QTMAN: variants seen among roughly 807,000 people sequenced by gnomAD.
The protein encoded by QTMAN is queuosine-tRNA mannosyltransferase.
the QTMAN span, among the ~76,000 whole-genome samples, chr2:144,324,113 G>A: frequency 2.0e-5 from 3 of 152,104 alleles, no homozygotes; most frequent in East Asian, 5.8e-4. Context: ...CCTGCCCAAG[G>A]TTACCGAAGT....
the QTMAN span, among the ~76,000 whole-genome samples, chr2:144,144,070 G>A: frequency 3.3e-5 from 5 of 151,954 alleles, no homozygotes; most frequent in South Asian, 1.0e-3. Flanking sequence ...CTCTCTCCAA[G>A]CTTGTCTATA....
At chr2:144,298,457 T>C in the QTMAN span, among the ~76,000 whole-genome samples, 3 of 152,350 alleles carry the variant, frequency 2.0e-5, no homozygotes, top group Admixed American at 6.5e-5. Context: ...GTAAAAGGTA[T>C]GGGGTGTTTA....
the QTMAN span, among the ~76,000 whole-genome samples, chr2:144,028,484 T>G: frequency 6.6e-6 from 1 of 152,208 alleles, no homozygotes; most frequent in East Asian, 1.9e-4. Flanking sequence ...ACAGTCACAT[T>G]AAAGTCCCAA....
chr2:144,101,229 T>G, the QTMAN span, among the ~76,000 whole-genome samples: 1 of 152,238 alleles, frequency 6.6e-6, no homozygotes, highest in African/African-American at 2.4e-5. Flanking sequence ...GTTCAAGACA[T>G]TTTCCAAAGT....
the QTMAN span, among the ~76,000 whole-genome samples, chr2:144,331,983 C>T: frequency 6.6e-6 from 1 of 152,206 alleles, no homozygotes; most frequent in African/African-American, 2.4e-5. Flanking sequence ...GGCGAAGCAC[C>T]CCAGCCAACT....
At chr2:144,068,328 A>G in the QTMAN span, among the ~76,000 whole-genome samples, 6 of 152,244 alleles carry the variant, frequency 3.9e-5, no homozygotes, top group Admixed American at 1.3e-4. Flanking sequence ...AAACTTGAAA[A>G]AAATGATTAT....
At chr2:143,952,128 C>T in the QTMAN span, 2 of 955,058 alleles carry the variant, frequency 2.1e-6, no homozygotes, top group Non-Finnish European at 3.4e-6. Context: ...AGCACACACT[C>T]GATATTAGTC....
chr2:144,212,518 G>A, the QTMAN span, among the ~76,000 whole-genome samples: 2 of 152,212 alleles, frequency 1.3e-5, no homozygotes, highest in East Asian at 3.9e-4. Flanking sequence ...AATTAGGGAT[G>A]TGGCACTTTA....
chr2:144,170,271 G>A, the QTMAN span, among the ~76,000 whole-genome samples: 10 of 152,114 alleles, frequency 6.6e-5, no homozygotes, highest in African/African-American at 2.2e-4. Context: ...CTGAGATTCT[G>A]CCCTACTTAC....
the QTMAN span, among the ~76,000 whole-genome samples, chr2:144,045,135 G>C: frequency 6.6e-6 from 1 of 152,214 alleles, no homozygotes; most frequent in South Asian, 2.1e-4. Context: ...AAATTTTAAA[G>C]ACGAAGTTCC....
At chr2:143,938,788 A>G in the QTMAN span, 1 of 152,222 alleles carries the variant, frequency 6.6e-6, no homozygotes. Context: ...ATAGCTGCAT[A>G]TCAGTAATTC....
At chr2:144,142,202 A>G in the QTMAN span, 2 of 516,540 alleles carry the variant, frequency 3.9e-6, no homozygotes, top group Non-Finnish European at 6.8e-6. Context: ...GTATCTACCA[A>G]AATGTCTCTA....
chr2:144,052,822 T>A, the QTMAN span, among the ~76,000 whole-genome samples: 7 of 152,194 alleles, frequency 4.6e-5, no homozygotes, highest in Non-Finnish European at 7.4e-5. Context: ...CGACTAATTT[T>A]ATATTTTTAG....
At chr2:144,332,307 C>A in the QTMAN span, 1 of 150,160 alleles carries the variant, frequency 6.7e-6, no homozygotes, top group African/African-American at 2.4e-5. Context: ...GCGCCGCAGC[C>A]GCCGCTGCTG....
chr2:144,251,596 C>T, the QTMAN span, among the ~76,000 whole-genome samples: 3 of 151,862 alleles, frequency 2.0e-5, no homozygotes, highest in Non-Finnish European at 4.4e-5. Flanking sequence ...GATCATAAAC[C>T]TAAACATAAA....
chr2:144,035,208 G>A, the QTMAN span, among the ~76,000 whole-genome samples: 975 of 152,192 alleles, frequency 6.4e-3, 5 homozygotes, highest in African/African-American at 0.021. Context: ...AGTCATGTAG[G>A]ATGTGCCTGC....
chr2:143,958,425 C>T, the QTMAN span, among the ~76,000 whole-genome samples: 1 of 152,026 alleles, frequency 6.6e-6, no homozygotes, highest in African/African-American at 2.4e-5. Flanking sequence ...GAAATTACAA[C>T]TAGGAAGGAA....
the QTMAN span, among the ~76,000 whole-genome samples, chr2:144,249,288 A>G: frequency 6.6e-6 from 1 of 152,232 alleles, no homozygotes; most frequent in Non-Finnish European, 1.5e-5. Flanking sequence ...AACAATCAGT[A>G]CATTTTATTT....
the QTMAN span, among the ~76,000 whole-genome samples, chr2:144,096,330 A>C: frequency 6.6e-6 from 1 of 152,202 alleles, no homozygotes; most frequent in Non-Finnish European, 1.5e-5. Context: ...TATCCACTTA[A>C]AAGAGAGCCA....
Sources: gnomAD v4.1 joint callset for allele counts (sites outside exome capture counted in the v4.1 genomes callset) on GRCh38, gnomAD v4.1.1 for gene constraint, MANE v1.5 for transcripts, NCBI Gene and HGNC (gene_info 2026-07-23, HGNC 2026-07-21) for gene names.